GAREM2: variants seen among roughly 807,000 people sequenced by gnomAD.
GAREM2 encodes GRB2 associated regulator of MAPK1 subtype 2, also known as GRB2-associated and regulator of MAPK protein 2.
Under a neutral mutation model 55.6 loss-of-function variants are expected in GAREM2, and 30 were observed. The ratio of observed to expected loss-of-function variants is 0.54; its 90% CI spans 0.40 to 0.73. GAREM2 has a LOEUF of 0.73. Among genes scored for constraint, GAREM2 ranks in the 30% least tolerant of loss-of-function variants. The probability of loss-of-function intolerance (pLI) is 0.00; values close to 1 mark genes in which losing one functional copy is unlikely to be tolerated. For synonymous variants in GAREM2, 550 were observed against 569.1 expected (o/e 0.97, Z 0.48); for missense variants, 1,075 against 1,257.7 (o/e 0.85, Z 2.20).
downstream of GAREM2, among the ~76,000 whole-genome samples, chr2:26,192,018 G>C (rs1363674070): frequency 6.6e-6 from 1 of 152,202 alleles, no homozygotes; most frequent in East Asian, 1.9e-4. Flanking sequence ...GCCTTCACCA[G>C]ACGTGGCCTG....
chr2:26,185,358 G>C (rs1669216367), intron 4 of GAREM2, 82 bp downstream of exon 4: 1 of 1,401,952 alleles, frequency 7.1e-7, no homozygotes, highest in Admixed American at 3.2e-5. Flanking sequence ...CCCGGAGTAT[G>C]TGGCAGACGA....
At chr2:26,190,570 CCAAGAAGCACCT>C (rs1224698784), downstream of GAREM2, 2 of 155,264 alleles carry the variant, frequency 1.3e-5, no homozygotes, top group African/African-American at 4.8e-5. Flanking sequence ...CACAACCATC[CCAAGAAGCACCT>C]ATGAATGAGG....
At chr2:26,195,083 G>A in the GAREM2 span, 4 of 1,608,982 alleles carry the variant, frequency 2.5e-6, no homozygotes, top group Non-Finnish European at 3.4e-6. Flanking sequence ...CTGTTATACA[G>A]CCCCTTACCT....
intron 4 of GAREM2, among the ~76,000 whole-genome samples, chr2:26,185,658 T>C (rs1206846084): frequency 6.6e-6 from 1 of 152,152 alleles, no homozygotes; most frequent in Non-Finnish European, 1.5e-5. Context: ...CCTCCTCATA[T>C]TGGAGTCACA....
At chr2:26,182,413 G>C in intron 2 of GAREM2, 1 of 1,549,794 alleles carries the variant, frequency 6.5e-7, no homozygotes, top group Non-Finnish European at 8.7e-7. Flanking sequence ...GCCTTCAAGG[G>C]CTGGGCCAGG....
intron 3 of GAREM2, 59 bp from the exon 4 acceptor site, chr2:26,184,174 G>A: frequency 6.5e-7 from 1 of 1,536,666 alleles, no homozygotes; most frequent in South Asian, 1.2e-5. Context: ...TCTGGGAGCT[G>A]GCCGTGTGGC....
intron 3 of GAREM2, among the ~76,000 whole-genome samples, chr2:26,183,720 TCAAA>T (rs112073035): frequency 0.76 from 115,157 of 151,116 alleles, 43,857 homozygotes; most frequent in East Asian, 0.85. Context: ...AGACCCTGTC[TCAAA>T]CAAACAAACA....
Position 26,184,661 on chromosome 2 carries a change from C to G in GAREM2, c.813C>G (p.Ser271Arg). ...VRLPVNVLVP[S>R]RPPRNPYDLH... ...TGCCGGTGAACGTGCTGGTGCCCAGCCGGCCGCCGCGCAACCCCTACGACC... is the reference window on the plus strand; with the variant it reads ...TGCCGGTGAACGTGCTGGTGCCCAGGCGGCCGCCGCGCAACCCCTACGACC... Residue 271 changes from serine to arginine, a missense_variant, in exon 4 of 6, where the codon AGC becomes AGG. This residue lies in a region of GAREM2 where 170 missense variants were observed against 220.7 expected (regional missense o/e 0.77). Transcript: ENST00000401533. The G allele has an allele frequency of 6.5e-7, 1 of 1,544,180 alleles. No homozygotes were observed. Among genetic ancestry groups the G allele is most frequent in the Non-Finnish European group, 8.7e-7 (1 of 1,144,438 alleles).
downstream of GAREM2, chr2:26,192,515 G>GA: frequency 1.3e-6 from 1 of 787,828 alleles, no homozygotes; most frequent in Non-Finnish European, 2.3e-6. Flanking sequence ...GGCCAGGCGT[G>GA]GTGGCTCACG....
intron 3 of GAREM2, 93 bp downstream of exon 3, chr2:26,183,190 CAAG>C: frequency 7.1e-7 from 1 of 1,417,680 alleles, no homozygotes; most frequent in Non-Finnish European, 9.6e-7. Context: ...CCTCAGGATC[CAAG>C]AAGGAGAGCG....
rs375018507 is a variant in GAREM2 at position 26,187,265 on chromosome 2, C to T, written c.1633C>T (p.Pro545Ser). The part of the protein sequence containing the change: ...GSRSGSGSPS[P>S]DTYSLYCYPC... ...CCGCAGTGGCAGTGGCTCCCCATCG[C>T]CGGACACCTACTCCCTCTATTGCTA... Residue 545 changes from proline (P) to serine (S), a missense_variant, in exon 6 of 6, where the codon CCG becomes TCG. Around this residue, in one of 6 missense-constraint regions of GAREM2, gnomAD observed 515 missense variants for 501.5 expected, o/e 1.03. Transcript: ENST00000401533. 2 of 1,456,458 alleles carry T rather than the reference C, an allele frequency of 1.4e-6. No homozygotes were observed. Among genetic ancestry groups the T allele is most frequent in the East Asian group, 2.5e-5 (1 of 39,730 alleles). 90.2% of individuals were successfully genotyped at this position (1,456,458 alleles called of 1,614,324 possible). A position where few individuals can be genotyped will look rare whatever the true frequency, so the allele number is the denominator to read the frequency against.
At chr2:26,198,014 G>C in the GAREM2 span, among the ~76,000 whole-genome samples, 1 of 152,128 alleles carries the variant, frequency 6.6e-6, no homozygotes, top group Non-Finnish European at 1.5e-5. Context: ...CCATCATAAG[G>C]TCACCTTATC....
downstream of GAREM2, among the ~76,000 whole-genome samples, chr2:26,191,931 G>A (rs1422591681): frequency 2.6e-5 from 4 of 152,230 alleles, no homozygotes; most frequent in African/African-American, 9.6e-5. Context: ...AGATCTGGGA[G>A]GGTGAAGGGG....
At chr2:26,176,875 C>A (rs1668881361) in intron 2 of GAREM2, among the ~76,000 whole-genome samples, 1 of 152,160 alleles carries the variant, frequency 6.6e-6, no homozygotes, top group Non-Finnish European at 1.5e-5. Context: ...CAACCAAATA[C>A]CGCAGAAACC....
chr2:26,201,216 T>A, the GAREM2 span: 28 of 1,613,708 alleles, frequency 1.7e-5, no homozygotes, highest in Non-Finnish European at 2.4e-5. Context: ...AATCACCATG[T>A]CGGCCTTTTC....
At position 26,185,198 on chromosome 2, in the gene GAREM2, C is replaced by T. The variant is rs1669204926; in HGVS notation, c.1350C>T (p.Leu450=). ...GLVRPPPGLD[L]ISFGAAGPPR... is the part of the protein sequence containing the mutation. Reference sequence around the variant, plus strand: ...TCCGGCCGCCCCCAGGGCTCGATCTCATCTCCTTCGGGGCCGCGGGACCGC... The same window carrying T: ...TCCGGCCGCCCCCAGGGCTCGATCTTATCTCCTTCGGGGCCGCGGGACCGC... The change falls in exon 4 of 6, where the codon CTC becomes CTT. Residue 450 remains leucine (L), a synonymous_variant. Transcript: ENST00000401533. 1 of 1,520,528 alleles carries T rather than the reference C, an allele frequency of 6.6e-7. No homozygotes were observed. Among genetic ancestry groups the T allele is most frequent in the African/African-American group, 1.4e-5 (1 of 70,644 alleles). 94.2% of individuals were successfully genotyped at this position (1,520,528 alleles called of 1,614,324 possible).
Position 26,188,206 on chromosome 2 carries a change from G to A in GAREM2, c.2574G>A (p.Leu858=), listed in dbSNP as rs921727087. The A allele has an allele frequency of 6.5e-6, 10 of 1,528,940 alleles. No individual in the cohort carries two copies. The Admixed American group carries it at 1.4e-4, about 22-fold the overall frequency. 94.7% of individuals were successfully genotyped at this position (1,528,940 alleles called of 1,614,324 possible). Reference sequence around the variant, plus strand: ...CAGATGACTTCCACCTCACCAAGCTGCAGGTCAAGAAGATCATGCAGTTCA... The same window carrying A: ...CAGATGACTTCCACCTCACCAAGCTACAGGTCAAGAAGATCATGCAGTTCA... The part of the protein sequence containing the change: ...ILADDFHLTK[L]QVKKIMQFIK... The change falls in exon 6 of 6, where the codon CTG becomes CTA. Residue 858 remains leucine, a synonymous_variant. Transcript: ENST00000401533.
At position 26,184,331 on chromosome 2, in the gene GAREM2, C is replaced by A; in HGVS notation, c.483C>A (p.Cys161Ter). The A allele has an allele frequency of 6.4e-7, 1 of 1,550,474 alleles. No homozygotes were observed. The highest frequency in any genetic ancestry group is 8.7e-7 in the Non-Finnish European group (1 of 1,146,626). ...LTLMGQAEILCAKTTKERSRF... is the reference protein window; with the variant it reads ...LTLMGQAEIL ...TTATGGGCCAGGCGGAGATCCTGTG[C>A]GCCAAGACCACCAAGGAGCGCTCGC... The change falls in exon 4 of 6, where the codon TGC becomes TGA. Residue 161 changes from cysteine (C) to a stop codon, truncating the protein, a stop_gained. Coordinates refer to ENST00000401533, the MANE Select transcript of GAREM2 (RefSeq NM_001168241.2). LOFTEE classifies it high-confidence loss of function.
rs561335671 is a variant in GAREM2 at position 26,185,289 on chromosome 2, G to C, written c.1428+13G>C. Reference sequence around the variant, plus strand: ...CAAATCCGAGGCGGTGAGTGAGCGCGCTGGGGGCCGAGTCCCGGGTCCAGC... The same window carrying C: ...CAAATCCGAGGCGGTGAGTGAGCGCCCTGGGGGCCGAGTCCCGGGTCCAGC... On this transcript the variant is annotated intron_variant, in intron 4 of 5. Coordinates refer to ENST00000401533, the MANE Select transcript of GAREM2 (RefSeq NM_001168241.2). 2 of 1,497,484 alleles carry C rather than the reference G, an allele frequency of 1.3e-6. No homozygotes were observed. The highest frequency in any genetic ancestry group is 5.5e-5 in the East Asian group (2 of 36,336). 92.8% of individuals were successfully genotyped at this position (1,497,484 alleles called of 1,614,324 possible).
Sources: gnomAD v4.1 joint callset for allele counts (sites outside exome capture counted in the v4.1 genomes callset) on GRCh38, gnomAD v4.1.1 for gene constraint, gnomAD v4.1.1 regional missense constraint, MANE v1.5 for transcripts, NCBI Gene and HGNC (gene_info 2026-07-23, HGNC 2026-07-21) for gene names.